Variants in IFNG observed in about 807,000 individuals in gnomAD.
IFNG encodes the protein IFN-gamma.
IFNG carries 8 observed loss-of-function variants against 14.4 expected under a neutral mutation model. The ratio of observed to expected loss-of-function variants is 0.56; its 90% CI spans 0.33 to 1.00. The LOEUF is 1.00. Among genes scored for constraint, IFNG ranks in the 50% least tolerant of loss-of-function variants. The pLI, the probability that IFNG is intolerant of heterozygous loss-of-function variation, is 0.03. For missense variants in IFNG, 132 were observed against 194.9 expected, an observed-to-expected ratio of 0.68 and a Z score of 1.92; for synonymous variants, 73 against 65.4, an observed-to-expected ratio of 1.12 and a Z score of -0.56.
In IFNG at chr12:68,155,423, G is replaced by A. The variant is rs753611452; in HGVS notation, c.431C>T (p.Ser144Leu). The A allele has an allele frequency of 1.1e-5, 18 of 1,612,120 alleles. No homozygotes were observed. The highest frequency in any genetic ancestry group is 6.7e-5 in the East Asian group (3 of 44,750). ...HELIQVMAEL[S>L]PAAKTGKRKR... ...TCGCTTCCCTGTTTTAGCTGCTGGCGACAGTTCAGCCATCACTTGGATGAG... is the reference window on the plus strand; with the variant it reads ...TCGCTTCCCTGTTTTAGCTGCTGGCAACAGTTCAGCCATCACTTGGATGAG... Residue 144 changes from serine (S) to leucine (L), a missense_variant, in exon 4 of 4, where the codon TCG becomes TTG. Ser to Leu is a moderately radical substitution (Grantham distance 145). Transcript: ENST00000229135.
Position 68,155,417 on chromosome 12 carries a change from G to A in IFNG, c.437C>T (p.Ala146Val), listed in dbSNP as rs2120738776. ...CCTTTTTCGCTTCCCTGTTTTAGCTGCTGGCGACAGTTCAGCCATCACTTG... is the reference window on the plus strand; with the variant it reads ...CCTTTTTCGCTTCCCTGTTTTAGCTACTGGCGACAGTTCAGCCATCACTTG... ...LIQVMAELSPAAKTGKRKRSQ... is the reference protein window; with the variant it reads ...LIQVMAELSPVAKTGKRKRSQ... The change falls in exon 4 of 4, where the codon GCA (alanine) becomes GTA (valine). Residue 146 changes from alanine to valine, a missense_variant. Physicochemically the swap from Ala to Val is moderately conservative, Grantham distance 64 (BLOSUM62 0). Transcript: ENST00000229135. 6.2e-7 allele frequency: 1 copy of A among 1,612,404 alleles called. No homozygotes were observed. The highest frequency in any genetic ancestry group is 8.5e-7 in the Non-Finnish European group (1 of 1,179,052).
intron 3 of IFNG, among the ~76,000 whole-genome samples, chr12:68,156,804 T>A (rs1882608539): frequency 6.6e-6 from 1 of 152,014 alleles, no homozygotes; most frequent in Non-Finnish European, 1.5e-5. Context: ...TAGAAACAAG[T>A]GCTGAGTGTC....
intron 3 of IFNG, 129 bp downstream of exon 3, chr12:68,157,784 A>G (rs764813171): frequency 7.7e-4 from 506 of 654,506 alleles, no homozygotes; most frequent in Non-Finnish European, 1.3e-4. Context: ...ATAGTAAGGT[A>G]GAGTTTCAGC....
rs2120746889 is a variant in IFNG at position 68,158,250 on chromosome 12, G to T, written c.124C>A (p.His42Asn). The stretch of plus-strand genomic sequence containing the variant: ...GTTCCATTATCCGCTACATCTGAAT[G>T]ACCTGCATTCTAAAAAAAAAAAAAG... Reference protein sequence around the residue: ...ENLKKYFNAGHSDVADNGTLF... With the variant: ...ENLKKYFNAGNSDVADNGTLF... The change falls in exon 2 of 4, where the codon CAT becomes AAT. Residue 42 changes from histidine to asparagine, a missense_variant. Transcript: ENST00000229135. 6.4e-7 allele frequency: 1 copy of T among 1,566,606 alleles called. No homozygotes were observed. The highest frequency in any genetic ancestry group is 8.6e-7 in the Non-Finnish European group (1 of 1,162,986).
Position 68,155,168 on chromosome 12 carries a change from T to A in IFNG, c.*185A>T, listed in dbSNP as rs1882581295. 2.6e-6 allele frequency: 1 copy of A among 383,214 alleles called. No homozygotes were observed. Among genetic ancestry groups the A allele is most frequent in the East Asian group, 4.5e-5 (1 of 22,212 alleles). The allele number at this position is 383,214 out of a possible 1,614,324, so 23.7% of individuals were successfully genotyped here. ...GAAAACAAAGGATTAAGTGAGACAG[T>A]CACAGGATATAGGAATTATAAATAA... is the stretch of plus-strand genomic sequence containing the variant. On this transcript the variant is annotated 3_prime_UTR_variant, in exon 4 of 4. Coordinates refer to ENST00000229135, the MANE Select transcript of IFNG (RefSeq NM_000619.3).
chr12:68,155,458 T>C lies in IFNG; in HGVS notation c.396A>G (p.Ala132=), dbSNP rs148737790. ...CCATCACTTGGATGAGTTCATGTAT[T>C]GCTTTGCGTTGGACATTCAAGTCAG... ...SVTDLNVQRK[A]IHELIQVMAE... is the part of the protein sequence containing the mutation. The change falls in exon 4 of 4, where the codon GCA becomes GCG. Residue 132 remains alanine, a synonymous_variant. Coordinates refer to ENST00000229135, the MANE Select transcript of IFNG (RefSeq NM_000619.3). 1.2e-6 allele frequency: 2 copies of C among 1,608,204 alleles called. No individual in the cohort carries two copies. The highest frequency in any genetic ancestry group is 1.3e-5 in the African/African-American group (1 of 74,794).
In IFNG at chr12:68,159,739, G is replaced by A. The variant is rs1882658504; in HGVS notation, c.-124C>T. 1.9e-6 allele frequency: 1 copy of A among 538,678 alleles called. No homozygotes were observed. Among genetic ancestry groups the A allele is most frequent in the Admixed American group, 3.1e-5 (1 of 31,856 alleles). The allele number at this position is 538,678 out of a possible 1,614,324, so 33.4% of individuals were successfully genotyped here. A position where few individuals can be genotyped will look rare whatever the true frequency, so the allele number is the denominator to read the frequency against. ...CTGATCTTCAGATGATCAGAACAAT[G>A]TGCTGCACCTCCTCTGGCTGCTGGT... On this transcript the variant is annotated 5_prime_UTR_variant, in exon 1 of 4. Transcript: ENST00000229135.
At chr12:68,157,298 A>G (rs1267876202) in intron 3 of IFNG, among the ~76,000 whole-genome samples, 1 of 152,194 alleles carries the variant, frequency 6.6e-6, no homozygotes, top group Non-Finnish European at 1.5e-5. Context: ...AGAGACTTGC[A>G]GTGGGGTGTC....
chr12:68,158,719 GT>G (rs1882641085), intron 1 of IFNG, among the ~76,000 whole-genome samples: 1 of 144,750 alleles, frequency 6.9e-6, no homozygotes, highest in Admixed American at 6.7e-5. Flanking sequence ...GTGCGAGTGT[GT>G]GTGTGTGTGT....
Position 68,159,642 on chromosome 12 carries a change from A to G in IFNG, c.-27T>C, listed in dbSNP as rs569749256. 63 of 1,201,082 alleles carry G rather than the reference A, an allele frequency of 5.2e-5. 1 individual carries two copies. The South Asian group carries it at 6.5e-4, about 12-fold the overall frequency. 74.4% of individuals were successfully genotyped at this position (1,201,082 alleles called of 1,614,324 possible). ...GTTTCCGAGAGAATTAAGCCAAAGA[A>G]GTTGAAATCAGTAGTTCTTGTATCA... is the stretch of plus-strand genomic sequence containing the variant. On this transcript the variant is annotated 5_prime_UTR_variant, in exon 1 of 4. Coordinates refer to ENST00000229135, the MANE Select transcript of IFNG (RefSeq NM_000619.3).
intron 3 of IFNG, among the ~76,000 whole-genome samples, chr12:68,155,787 C>G (rs1331574018): frequency 1.3e-5 from 2 of 152,142 alleles, no homozygotes; most frequent in African/African-American, 4.8e-5. Flanking sequence ...GGGTTTGAAT[C>G]TCATGCATGC....
Position 68,159,570 on chromosome 12 carries a change from A to G in IFNG, c.46T>C (p.Leu16=), listed in dbSNP as rs749298180. The change falls in exon 1 of 4, where the codon TTG becomes CTG. Residue 16 remains leucine, a synonymous_variant. Coordinates refer to ENST00000229135, the MANE Select transcript of IFNG (RefSeq NM_000619.3). ...YILAFQLCIV[L]GSLGCYCQDP... is the part of the protein sequence containing the mutation. Reference sequence around the variant, plus strand: ...TGGCAGTAACAGCCAAGAGAACCCAAAACGATGCAGAGCTGAAAAGCCAAG... The same window carrying G: ...TGGCAGTAACAGCCAAGAGAACCCAGAACGATGCAGAGCTGAAAAGCCAAG... The G allele has an allele frequency of 6.2e-7, 1 of 1,606,872 alleles. No individual in the cohort carries two copies. Among genetic ancestry groups the G allele is most frequent in the Admixed American group, 1.7e-5 (1 of 59,502 alleles).
In IFNG at chr12:68,158,061, A is replaced by G; in HGVS notation, c.218T>C (p.Val73Ala). The G allele has an allele frequency of 6.2e-7, 1 of 1,606,068 alleles. No homozygotes were observed. Reference protein sequence around the residue: ...SDRKIMQSQIVSFYFKLFKNF... With the variant: ...SDRKIMQSQIASFYFKLFKNF... ...TTTAAAAAGTTTGAAGTAAAAGGAG[A>G]CAATTTGGCTCTGCATTATTTTTCT... Residue 73 changes from valine to alanine, a missense_variant, in exon 3 of 4, where the codon GTC (valine) becomes GCC (alanine). Transcript: ENST00000229135.
chr12:68,159,725 A>G lies in IFNG; in HGVS notation c.-110T>C, dbSNP rs1246664484. 3.3e-6 allele frequency: 2 copies of G among 599,368 alleles called. No individual in the cohort carries two copies. The highest frequency in any genetic ancestry group is 6.2e-6 in the Non-Finnish European group (2 of 324,156). 37.1% of individuals were successfully genotyped at this position (599,368 alleles called of 1,614,324 possible). A position where few individuals can be genotyped will look rare whatever the true frequency, so the allele number is the denominator to read the frequency against. The stretch of plus-strand genomic sequence containing the variant: ...TTCTCTTCTAATAGCTGATCTTCAG[A>G]TGATCAGAACAATGTGCTGCACCTC... On this transcript the variant is annotated 5_prime_UTR_variant, in exon 1 of 4. Coordinates refer to ENST00000229135, the MANE Select transcript of IFNG (RefSeq NM_000619.3).
rs199708992 is a variant in IFNG, at chr12:68,158,176, G to T, written c.183+15C>A. 5 of 1,603,220 alleles carry T rather than the reference G, an allele frequency of 3.1e-6. No homozygotes were observed. The highest frequency in any genetic ancestry group is 1.7e-5 in the Admixed American group (1 of 58,656). On this transcript the variant is annotated intron_variant, in intron 2 of 3. Coordinates refer to ENST00000229135, the MANE Select transcript of IFNG (RefSeq NM_000619.3). ...AGCAACAGGAAAATTAGCCAAATGGGAATATTCAGCTTACCTCTTTCCAAT... is the reference window on the plus strand; with the variant it reads ...AGCAACAGGAAAATTAGCCAAATGGTAATATTCAGCTTACCTCTTTCCAAT...
rs200610212 is a variant in IFNG at position 68,159,491 on chromosome 12, G to T, written c.114+11C>A. The T allele has an allele frequency of 7.3e-7, 1 of 1,361,982 alleles. No homozygotes were observed. The allele number at this position is 1,361,982 out of a possible 1,614,324, so 84.4% of individuals were successfully genotyped here. On this transcript the variant is annotated intron_variant, in intron 1 of 3. Coordinates refer to ENST00000229135, the MANE Select transcript of IFNG (RefSeq NM_000619.3). ...AACCACAAACAAGTACTATTAAAAA[G>T]TCATACTTACAAAATATTTCTTAAG...
chr12:68,157,103 T>C (rs1650728556), intron 3 of IFNG, among the ~76,000 whole-genome samples: 1 of 152,208 alleles, frequency 6.6e-6, no homozygotes, highest in African/African-American at 2.4e-5. Flanking sequence ...AACTTAAAGA[T>C]ACAAGTTCAT....
chr12:68,157,574 A>C (rs1232543417), intron 3 of IFNG, among the ~76,000 whole-genome samples: 1 of 152,212 alleles, frequency 6.6e-6, no homozygotes, highest in East Asian at 1.9e-4. Flanking sequence ...TCAAAGTAAG[A>C]GAATTTCCAT....
At chr12:68,158,956 T>C (rs180809607) in intron 1 of IFNG, among the ~76,000 whole-genome samples, 22 of 152,220 alleles carry the variant, frequency 1.4e-4, no homozygotes, top group Admixed American at 1.0e-3. Flanking sequence ...TCTTCCAAAA[T>C]CCCAGTGAGC....
Sources: gnomAD v4.1 joint callset for allele counts (sites outside exome capture counted in the v4.1 genomes callset) on GRCh38, gnomAD v4.1.1 for gene constraint, MANE v1.5 for transcripts, NCBI Gene and HGNC (gene_info 2026-07-23, HGNC 2026-07-21) for gene names.